The following SCAP variants were observed in gnomAD, a reference collection of about 807,000 sequenced individuals.
The protein encoded by SCAP is SREBF chaperone.
A neutral mutation model predicts 123.6 loss-of-function variants in SCAP; 65 were observed. The observed-to-expected ratio is 0.53, with a 90% CI of 0.43 to 0.65. The LOEUF (loss-of-function observed/expected upper bound fraction) is 0.65. Among genes scored for constraint, SCAP ranks in the 30% least tolerant of loss-of-function variants. SCAP has a pLI of 0.00. For missense variants in SCAP, 1,398 were observed against 1,712.5 expected, an observed-to-expected ratio of 0.82 and a Z score of 3.24; for synonymous variants, 740 against 726.3, an observed-to-expected ratio of 1.02 and a Z score of -0.30.
chr3:47,428,206 T>C (rs750221799), intron 4 of SCAP, among the ~76,000 whole-genome samples: 2 of 152,088 alleles, frequency 1.3e-5, no homozygotes, highest in Non-Finnish European at 2.9e-5. Flanking sequence ...CACCATTACA[T>C]TCACACCATA....
Position 47,419,224 on chromosome 3 carries a change from T to A in SCAP, c.1940+104A>T. 7.0e-7 allele frequency: 1 copy of A among 1,420,722 alleles called. No individual in the cohort carries two copies. Among genetic ancestry groups the A allele is most frequent in the Non-Finnish European group, 9.5e-7 (1 of 1,052,176 alleles). The allele number at this position is 1,420,722 out of a possible 1,614,324, so 88.0% of individuals were successfully genotyped here. On this transcript the variant is annotated intron_variant, in intron 13 of 22. Coordinates refer to ENST00000265565, the MANE Select transcript of SCAP (RefSeq NM_012235.4). This position sits in a 1 kb window ranked among gnomAD's most constrained non-coding sequence, Gnocchi z 5.0. ...CCACCTCACAACCTTATGAACTGTT[T>A]TAATTATTTGCATAATTCAAACCTG...
Position 47,414,330 on chromosome 3 carries a change from CAG to C in SCAP, c.3442_3443del (p.Leu1148AspfsTer32). 6.2e-7 allele frequency: 1 copy of C among 1,613,188 alleles called. No homozygotes were observed. Among genetic ancestry groups the C allele is most frequent in the Non-Finnish European group, 8.5e-7 (1 of 1,180,032 alleles). On this transcript the variant is annotated frameshift_variant, in exon 22 of 23. Transcript: ENST00000265565. LOFTEE classifies it high-confidence loss of function. Reference protein sequence around the residue: ...QDGAICLWDVLTGSRVSHVFA... With the variant: ...QDGAICLWDVXTGSRVSHVFA... ...ACACATGGCTGACCCGGCTGCCAGTCAGTACATCCCACAGGCAGATGGCCCCA... is the reference window on the plus strand; with the variant it reads ...ACACATGGCTGACCCGGCTGCCAGTCTACATCCCACAGGCAGATGGCCCCA...
chr3:47,463,554 T>G (rs1162599438), intron 1 of SCAP, among the ~76,000 whole-genome samples: 1 of 151,766 alleles, frequency 6.6e-6, no homozygotes, highest in Non-Finnish European at 1.5e-5. Flanking sequence ...ATACAAAAAT[T>G]AGCTGGGTGT....
chr3:47,414,293 C>A lies in SCAP; in HGVS notation c.3481G>T (p.Gly1161Trp). ...GTACAGGTAAGGGAGGTGACATCCC[C>A]ACGGTGAGCAAACACATGGCTGACC... The part of the protein sequence containing the change: ...SRVSHVFAHR[G>W]DVTSLTCTTS... The change falls in exon 22 of 23, where the codon GGG becomes TGG. Residue 1161 changes from glycine to tryptophan, a missense_variant. By Grantham distance (184) the Gly-to-Trp change is radical. Around this residue, in one of 7 missense-constraint regions of SCAP, gnomAD observed 130 missense variants for 166.7 expected, o/e 0.78. Transcript: ENST00000265565. The A allele has an allele frequency of 6.2e-7, 1 of 1,613,356 alleles. No individual in the cohort carries two copies.
At chr3:47,416,600 G>C (rs545843185) in intron 18 of SCAP, among the ~76,000 whole-genome samples, 2 of 143,464 alleles carry the variant, frequency 1.4e-5, no homozygotes, top group African/African-American at 5.2e-5. Context: ...TTCCAAGCAC[G>C]TCACACCCCT....
intron 1 of SCAP, among the ~76,000 whole-genome samples, chr3:47,464,055 AC>A (rs1707740250): frequency 6.6e-6 from 1 of 152,020 alleles, no homozygotes; most frequent in Non-Finnish European, 1.5e-5. Flanking sequence ...TCGCTCTGTC[AC>A]CCAGGCTGGA....
At chr3:47,462,504 T>C (rs892498237) in intron 1 of SCAP, among the ~76,000 whole-genome samples, 1 of 152,108 alleles carries the variant, frequency 6.6e-6, no homozygotes, top group African/African-American at 2.4e-5. Context: ...AGGCAGCCAC[T>C]GAAAGGGCTG....
intron 1 of SCAP, among the ~76,000 whole-genome samples, chr3:47,445,240 ATTCTT>A (rs1706985241): frequency 7.2e-6 from 1 of 138,044 alleles, no homozygotes; most frequent in Admixed American, 7.2e-5. Flanking sequence ...CCTGTTTTCA[ATTCTT>A]TTTTTTTTTT....
intron 1 of SCAP, among the ~76,000 whole-genome samples, chr3:47,453,779 A>T (rs1381549408): frequency 6.6e-6 from 1 of 152,046 alleles, no homozygotes; most frequent in Non-Finnish European, 1.5e-5. Context: ...CTTCCCCAAA[A>T]TAACCTACAT....
intron 1 of SCAP, among the ~76,000 whole-genome samples, chr3:47,453,632 AC>A (rs1351592533): frequency 6.6e-6 from 1 of 152,030 alleles, no homozygotes; most frequent in Non-Finnish European, 1.5e-5. Context: ...CCTTGTAACA[AC>A]CCTTAAACTA....
chr3:47,472,028 T>C (rs1708040091), intron 1 of SCAP, among the ~76,000 whole-genome samples: 1 of 151,894 alleles, frequency 6.6e-6, no homozygotes, highest in African/African-American at 2.4e-5. Context: ...TAATCCCAGC[T>C]ACTCGGGAGG....
intron 1 of SCAP, among the ~76,000 whole-genome samples, chr3:47,470,338 C>A (rs1453742686): frequency 6.6e-6 from 1 of 152,152 alleles, no homozygotes; most frequent in Non-Finnish European, 1.5e-5. Flanking sequence ...GGGGACATAG[C>A]CAATGAGGAA....
chr3:47,440,609 A>G (rs1576286306), intron 2 of SCAP, among the ~76,000 whole-genome samples: 1 of 152,310 alleles, frequency 6.6e-6, no homozygotes, highest in South Asian at 2.1e-4. Flanking sequence ...GGTGGCTCAC[A>G]CCTGTAATCC....
Position 47,414,660 on chromosome 3 carries a change from A to G in SCAP, c.3307-8T>C. 1 of 1,613,254 alleles carries G rather than the reference A, an allele frequency of 6.2e-7. No homozygotes were observed. The highest frequency in any genetic ancestry group is 1.3e-5 in the African/African-American group (1 of 75,074). On this transcript the variant is annotated splice_region_variant and splice_polypyrimidine_tract_variant and intron_variant, in intron 20 of 22. Coordinates refer to ENST00000265565, the MANE Select transcript of SCAP (RefSeq NM_012235.4). ...GTCCTCCAGACGGAACACCTGGGAC[A>G]GGGATGGGCCTCAGGTTCTGGTCTC...
intron 3 of SCAP, among the ~76,000 whole-genome samples, chr3:47,430,557 C>A (rs773991089): frequency 2.0e-4 from 30 of 152,164 alleles, no homozygotes; most frequent in Admixed American, 1.0e-3. Flanking sequence ...GGAAACCTGT[C>A]AGGGGATAAC....
At chr3:47,443,154 G>T in intron 1 of SCAP, 63 bp from the exon 2 acceptor site, 1 of 1,293,212 alleles carries the variant, frequency 7.7e-7, no homozygotes, top group Non-Finnish European at 1.0e-6. Context: ...TAGGGCTGCT[G>T]GAGGGAGGCG....
intron 3 of SCAP, among the ~76,000 whole-genome samples, chr3:47,432,803 G>A (rs1192331734): frequency 6.6e-6 from 1 of 152,118 alleles, no homozygotes; most frequent in African/African-American, 2.4e-5. Context: ...TCAGTACTGG[G>A]ATTACAGGTA....
chr3:47,454,227 C>A (rs534331608), intron 1 of SCAP, among the ~76,000 whole-genome samples: 1 of 151,824 alleles, frequency 6.6e-6, no homozygotes, highest in Non-Finnish European at 1.5e-5. Flanking sequence ...ATTAGCCGGG[C>A]GAGGTGGCGG....
At chr3:47,422,391 G>C in intron 10 of SCAP, 51 bp downstream of exon 10, 2 of 1,517,840 alleles carry the variant, frequency 1.3e-6, no homozygotes, top group South Asian at 2.3e-5. Context: ...CAGCTGGGGA[G>C]CACAGCAGTT....
Sources: allele counts gnomAD v4.1 joint callset (sites outside exome capture counted in the v4.1 genomes callset), GRCh38; gene constraint gnomAD v4.1.1; regional missense constraint gnomAD v4.1.1; non-coding constraint Gnocchi (gnomAD v3.1); transcripts MANE v1.5; gene names NCBI Gene and HGNC (gene_info 2026-07-23, HGNC 2026-07-21).